Variants in AADAC observed in about 807,000 individuals in gnomAD.
AADAC encodes arylacetamide deacetylase (esterase).
Under a neutral mutation model 22.7 loss-of-function variants are expected in AADAC, and 17 were observed. That is an observed-to-expected ratio of 0.75 (90% CI 0.51 to 1.12). AADAC has a LOEUF of 1.12. Ranked by LOEUF, AADAC falls within the 50% of genes most tolerant of loss-of-function variation. AADAC has a pLI of 0.00. For missense variants in AADAC, 465 were observed against 473.9 expected (o/e 0.98, Z 0.17); for synonymous variants, 167 against 176.3 (o/e 0.95, Z 0.42).
At chr3:151,825,491 T>A (rs1412427055) in intron 4 of AADAC, among the ~76,000 whole-genome samples, 3 of 151,916 alleles carry the variant, frequency 2.0e-5, no homozygotes, top group Non-Finnish European at 4.4e-5. Flanking sequence ...CCTATTACGC[T>A]ATTAGAGATT....
In AADAC at chr3:151,827,914, C is replaced by T. The variant is rs1421998643; in HGVS notation, c.942C>T (p.Phe314=). The stretch of plus-strand genomic sequence containing the variant: ...AGCTGGCTAAAAAATATCCAGGGTT[C>T]CTAGATGTGAGGGCAGCCCCTTTGT... The part of the protein sequence containing the change: ...SSELAKKYPG[F]LDVRAAPLLA... The change falls in exon 5 of 5, where the codon TTC becomes TTT. Residue 314 remains phenylalanine, a synonymous_variant. Transcript: ENST00000232892. The T allele has an allele frequency of 1.2e-6, 2 of 1,611,608 alleles. No individual in the cohort carries two copies. The highest frequency in any genetic ancestry group is 1.7e-6 in the Non-Finnish European group (2 of 1,178,734).
intron 2 of AADAC, 55 bp from the exon 3 acceptor site, chr3:151,820,328 C>T (rs1331603098): frequency 3.1e-6 from 4 of 1,305,052 alleles, no homozygotes; most frequent in African/African-American, 1.5e-5. Flanking sequence ...AAGGAAACAG[C>T]CTTGTCTTCA....
intron 4 of AADAC, among the ~76,000 whole-genome samples, chr3:151,826,038 G>A (rs1290319694): frequency 6.6e-6 from 1 of 151,870 alleles, no homozygotes; most frequent in African/African-American, 2.4e-5. Flanking sequence ...AGTTACAAAC[G>A]AGGGTTCTAC....
At position 151,820,516 on chromosome 3, in the gene AADAC, C is replaced by CTTTTTTTT. The variant is rs34039248; in HGVS notation, c.431+76_431+83dup. 462 of 412,798 alleles carry CTTTTTTTT rather than the reference C, an allele frequency of 1.1e-3. 1 individual carries two copies. Among genetic ancestry groups the CTTTTTTTT allele is most frequent in the African/African-American group, 2.5e-3 (73 of 29,310 alleles). 25.6% of individuals were successfully genotyped at this position (412,798 alleles called of 1,614,324 possible). On this transcript the variant is annotated intron_variant, in intron 3 of 4. Transcript: ENST00000232892. The stretch of plus-strand genomic sequence containing the variant: ...GACATGCCAAGATTTTCTCAGCTTT[C>CTTTTTTTT]TTTTTTTTTTTTTTTTTTTGTGATG...
chr3:151,822,012 A>G (rs1190717548), intron 3 of AADAC, among the ~76,000 whole-genome samples: 1 of 151,900 alleles, frequency 6.6e-6, no homozygotes, highest in African/African-American at 2.4e-5. Flanking sequence ...AAGAACTCCA[A>G]TATTAAAAGA....
chr3:151,817,229 G>C, intron 1 of AADAC, 137 bp from the exon 2 acceptor site: 2 of 722,546 alleles, frequency 2.8e-6, no homozygotes, highest in Middle Eastern at 3.9e-4. Flanking sequence ...CTTTTAAAAG[G>C]ACCAAGCAGG....
chr3:151,818,982 A>G (rs1463669187), intron 2 of AADAC, among the ~76,000 whole-genome samples: 1 of 152,072 alleles, frequency 6.6e-6, no homozygotes, highest in Non-Finnish European at 1.5e-5. Flanking sequence ...GACTGGACCT[A>G]CTAAGTTAAG....
chr3:151,818,492 C>T (rs1021174375), intron 2 of AADAC, among the ~76,000 whole-genome samples: 6 of 151,930 alleles, frequency 3.9e-5, no homozygotes, highest in Admixed American at 2.6e-4. Flanking sequence ...GAGTCACCAG[C>T]GCTGCCTCCT....
rs762103619 is a variant in AADAC, at chr3:151,827,908, AG to A, written c.939del (p.Phe314SerfsTer2). 2.9e-5 allele frequency: 46 copies of A among 1,611,596 alleles called. 1 individual carries two copies. The highest frequency in any genetic ancestry group is 4.4e-5 in the South Asian group (4 of 90,776). ...GSSELAKKYP[G>X]FLDVRAAPLL... The stretch of plus-strand genomic sequence containing the variant: ...GTTCTGAGCTGGCTAAAAAATATCC[AG>A]GGTTCCTAGATGTGAGGGCAGCCCC... On this transcript the variant is annotated frameshift_variant, in exon 5 of 5. Transcript: ENST00000232892. LOFTEE classifies it low-confidence loss of function (END_TRUNC).
At chr3:151,819,828 A>T (rs1030763440) in intron 2 of AADAC, among the ~76,000 whole-genome samples, 4 of 151,996 alleles carry the variant, frequency 2.6e-5, no homozygotes, top group Admixed American at 6.6e-5. Flanking sequence ...AGCTAGATAC[A>T]TTCTTAAAGT....
At chr3:151,822,865 C>T (rs990584074) in intron 3 of AADAC, among the ~76,000 whole-genome samples, 3 of 151,620 alleles carry the variant, frequency 2.0e-5, no homozygotes, top group Admixed American at 6.6e-5. Flanking sequence ...GAATTGCATA[C>T]TTATAATGTG....
At chr3:151,826,997 C>A (rs1461122182) in intron 4 of AADAC, among the ~76,000 whole-genome samples, 2 of 151,908 alleles carry the variant, frequency 1.3e-5, no homozygotes, top group East Asian at 1.9e-4. Context: ...TCACTGCAAC[C>A]TCCACCTCAT....
chr3:151,824,945 T>C lies in AADAC; in HGVS notation c.603+111T>C, dbSNP rs544113402. On this transcript the variant is annotated intron_variant, in intron 4 of 4. Transcript: ENST00000232892. ...TTAAAATATGAATGCAAATAGGAGA[T>C]ATTGATTTTTTGAAACTATTAAAGA... 36 of 757,206 alleles carry C rather than the reference T, an allele frequency of 4.8e-5. No individual in the cohort carries two copies. In the African/African-American group the frequency reaches 1.0e-3, roughly 22 times the overall value. The allele number at this position is 757,206 out of a possible 1,614,324, so 46.9% of individuals were successfully genotyped here.
At chr3:151,814,513 A>C (rs1715903126) in intron 1 of AADAC, among the ~76,000 whole-genome samples, 1 of 152,054 alleles carries the variant, frequency 6.6e-6, no homozygotes, top group African/African-American at 2.4e-5. Flanking sequence ...ACAGCAAGCA[A>C]GGAGTCATTT....
chr3:151,820,830 T>C (rs1157011328), intron 3 of AADAC, among the ~76,000 whole-genome samples: 1 of 142,368 alleles, frequency 7.0e-6, no homozygotes, highest in African/African-American at 2.6e-5. Flanking sequence ...TTCTCTCAGC[T>C]TTCTCAGCCA....
chr3:151,818,673 C>T (rs1205755971), intron 2 of AADAC, among the ~76,000 whole-genome samples: 1 of 152,108 alleles, frequency 6.6e-6, no homozygotes, highest in Non-Finnish European at 1.5e-5. Flanking sequence ...GTAGATTACA[C>T]ATCCAATTAA....
chr3:151,824,201 C>T (rs1436617076), intron 3 of AADAC, among the ~76,000 whole-genome samples: 1 of 151,750 alleles, frequency 6.6e-6, no homozygotes, highest in Non-Finnish European at 1.5e-5. Context: ...TTCACTTAGC[C>T]CATCAACATG....
At chr3:151,823,875 T>A (rs994395488) in intron 3 of AADAC, among the ~76,000 whole-genome samples, 1 of 152,038 alleles carries the variant, frequency 6.6e-6, no homozygotes, top group African/African-American at 2.4e-5. Flanking sequence ...AACATTTTTT[T>A]ACTTGGAAAA....
At chr3:151,816,213 A>G (rs1365687339) in intron 1 of AADAC, among the ~76,000 whole-genome samples, 4 of 151,540 alleles carry the variant, frequency 2.6e-5, no homozygotes, top group Non-Finnish European at 5.9e-5. Flanking sequence ...CCCAACCCTG[A>G]CTCCCAGCTC....
Sources: allele counts gnomAD v4.1 joint callset (sites outside exome capture counted in the v4.1 genomes callset), GRCh38; gene constraint gnomAD v4.1.1; transcripts MANE v1.5; gene names NCBI Gene and HGNC (gene_info 2026-07-23, HGNC 2026-07-21).